Variants in PFKP observed in about 807,000 individuals in gnomAD.
PFKP encodes ATP-dependent 6-phosphofructokinase, platelet type.
In PFKP, 101 loss-of-function variants were observed where a neutral mutation model predicts 94.3. The observed-to-expected ratio is 1.07, with a 90% CI of 0.91 to 1.26. The LOEUF is 1.26. PFKP is among the 50% of genes most tolerant of loss of function. PFKP has a pLI of 0.00. For synonymous variants in PFKP, 573 were observed against 432.6 expected (o/e 1.32, Z -4.03); for missense variants, 1,145 against 1,103.3 (o/e 1.04, Z -0.53).
intron 1 of PFKP, among the ~76,000 whole-genome samples, chr10:3,080,147 GC>G (rs1832937755): frequency 6.6e-6 from 1 of 152,142 alleles, no homozygotes; most frequent in Admixed American, 6.5e-5. Flanking sequence ...CTGGGGCATG[GC>G]CGGGAGCTCA....
At chr10:3,091,882 C>T (rs1171076800) in intron 2 of PFKP, among the ~76,000 whole-genome samples, 1 of 152,224 alleles carries the variant, frequency 6.6e-6, no homozygotes, top group Non-Finnish European at 1.5e-5. Flanking sequence ...TCAGAGCTGT[C>T]TTTGTCATAG....
chr10:3,097,346 C>T (rs187262903), intron 2 of PFKP, among the ~76,000 whole-genome samples: 85 of 152,152 alleles, frequency 5.6e-4, no homozygotes, highest in Non-Finnish European at 1.1e-3. Context: ...TGTGCAGAGG[C>T]GAGGTCTGCA....
chr10:3,094,127 G>A (rs1245668599), intron 2 of PFKP, among the ~76,000 whole-genome samples: 1 of 152,140 alleles, frequency 6.6e-6, no homozygotes, highest in Non-Finnish European at 1.5e-5. Flanking sequence ...CCCCACCACT[G>A]TGGTCAGCTG....
rs1052337 is a variant in PFKP at position 3,129,953 on chromosome 10, C to T, written c.1818C>T (p.Phe606=). ...LAAGADAAYI[F]EEPFDIRDLQ... ...CCGGAGCTGATGCCGCATACATTTTCGAAGAGCCCTTCGACATCAGGGATC... is the reference window on the plus strand; with the variant it reads ...CCGGAGCTGATGCCGCATACATTTTTGAAGAGCCCTTCGACATCAGGGATC... Residue 606 remains phenylalanine (F), a synonymous_variant, in exon 17 of 22, where the codon TTC becomes TTT. Coordinates refer to ENST00000381125, the MANE Select transcript of PFKP (RefSeq NM_002627.5). 226,969 of 1,596,272 alleles carry T rather than the reference C, an allele frequency of 0.14. 16,734 individuals carry two copies. The highest frequency in any genetic ancestry group is 0.18 in the African/African-American group (13,581 of 74,738).
chr10:3,077,261 C>CTTTTCT (rs1832678032), intron 1 of PFKP, among the ~76,000 whole-genome samples: 2 of 84,238 alleles, frequency 2.4e-5, no homozygotes, highest in Non-Finnish European at 4.2e-5. Context: ...TTTTTTTTTT[C>CTTTTCT]TTTTTTTTTT....
At position 3,113,151 on chromosome 10, in the gene PFKP, G is replaced by A. The variant is rs563430784; in HGVS notation, c.1187G>A (p.Arg396Gln). The A allele has an allele frequency of 1.1e-5, 18 of 1,613,158 alleles. No individual in the cohort carries two copies. Among genetic ancestry groups the A allele is most frequent in the Middle Eastern group, 1.7e-4 (1 of 6,060 alleles). The change falls in exon 12 of 22, where the codon CGA becomes CAA. Residue 396 changes from arginine (R) to glutamine (Q), a missense_variant. Physicochemically the swap from Arg to Gln is conservative, Grantham distance 43 (BLOSUM62 1). Coordinates refer to ENST00000381125, the MANE Select transcript of PFKP (RefSeq NM_002627.5). ...GCGGGCAACCTGAACACCTACAAGCGACTTGCCATCAAGCTGCCGGATGAT... is the reference window on the plus strand; with the variant it reads ...GCGGGCAACCTGAACACCTACAAGCAACTTGCCATCAAGCTGCCGGATGAT... Reference protein sequence around the residue: ...SFAGNLNTYKRLAIKLPDDQI... With the variant: ...SFAGNLNTYKQLAIKLPDDQI...
In PFKP at chr10:3,129,729, G is replaced by C. The variant is rs566363542; in HGVS notation, c.1684-90G>C. ...CCGCATGTTTGGGCGCGGTGGGGGG[G>C]CCTTGCTGCACTCACTCTTGGGGGA... On this transcript the variant is annotated intron_variant, in intron 16 of 21. Coordinates refer to ENST00000381125, the MANE Select transcript of PFKP (RefSeq NM_002627.5). The C allele has an allele frequency of 5.5e-5, 76 of 1,376,394 alleles. No homozygotes were observed. The African/African-American group carries it at 7.6e-4, about 14-fold the overall frequency. The allele number at this position is 1,376,394 out of a possible 1,614,324, so 85.3% of individuals were successfully genotyped here.
chr10:3,077,191 C>T (rs927241182), intron 1 of PFKP, among the ~76,000 whole-genome samples: 4 of 148,992 alleles, frequency 2.7e-5, no homozygotes, highest in African/African-American at 9.9e-5. Context: ...TTACTCCAGA[C>T]AATGGAGGAG....
chr10:3,127,200 C>A (rs1235228574), intron 16 of PFKP, among the ~76,000 whole-genome samples: 1 of 152,238 alleles, frequency 6.6e-6, no homozygotes, highest in African/African-American at 2.4e-5. Flanking sequence ...TGTATCTAAG[C>A]TCCAGCAAAG....
chr10:3,100,071 GT>G (rs537691269), intron 3 of PFKP, among the ~76,000 whole-genome samples: 14 of 132,254 alleles, frequency 1.1e-4, no homozygotes, highest in African/African-American at 4.8e-4. Flanking sequence ...GTGTGTGTGT[GT>G]GTGTGTGTGT....
chr10:3,088,770 T>C (rs1026937366), intron 2 of PFKP, among the ~76,000 whole-genome samples: 3 of 145,252 alleles, frequency 2.1e-5, no homozygotes, highest in African/African-American at 5.1e-5. Context: ...TTTGTGGGCA[T>C]AGAGTTCAGA....
chr10:3,068,665 G>T, intron 1 of PFKP: 1 of 985,340 alleles, frequency 1.0e-6, no homozygotes, highest in Non-Finnish European at 1.2e-6. Flanking sequence ...GAGACTCGGC[G>T]CGCCCCAGGC....
intron 13 of PFKP, 32 bp downstream of exon 13, chr10:3,113,550 A>G (rs1836479238): frequency 1.2e-6 from 2 of 1,603,552 alleles, no homozygotes; most frequent in Non-Finnish European, 8.5e-7. Context: ...AGGCAGGCAG[A>G]CACCCTGGCT....
intron 16 of PFKP, among the ~76,000 whole-genome samples, chr10:3,127,343 C>T (rs575714994): frequency 8.5e-5 from 13 of 152,238 alleles, no homozygotes; most frequent in South Asian, 4.1e-4. Flanking sequence ...AACTCAGACA[C>T]GCCTGGGCAC....
chr10:3,122,973 T>C (rs1310076587), intron 16 of PFKP, among the ~76,000 whole-genome samples: 2 of 152,224 alleles, frequency 1.3e-5, no homozygotes, highest in African/African-American at 2.4e-5. Context: ...CGTGTTGTGC[T>C]TCGGAAGCCC....
intron 13 of PFKP, among the ~76,000 whole-genome samples, chr10:3,115,990 G>C (rs1018701507): frequency 3.3e-5 from 5 of 152,112 alleles, no homozygotes; most frequent in African/African-American, 1.2e-4. Context: ...TTCTGTCCTG[G>C]GTGGATCTTG....
intron 2 of PFKP, 142 bp downstream of exon 2, chr10:3,082,603 G>A: frequency 2.0e-6 from 1 of 500,812 alleles, no homozygotes; most frequent in Non-Finnish European, 3.5e-6. Flanking sequence ...TGCCAGCCAG[G>A]GCCGTTCCTC....
chr10:3,080,774 C>G (rs72778566), intron 1 of PFKP, among the ~76,000 whole-genome samples: 12,370 of 152,108 alleles, frequency 0.081, 577 homozygotes, highest in Middle Eastern at 0.1. Context: ...CTGTTGTAAT[C>G]CTTCTGGCCA....
intron 2 of PFKP, among the ~76,000 whole-genome samples, chr10:3,094,201 C>T (rs559366325): frequency 2.0e-4 from 31 of 152,202 alleles, no homozygotes; most frequent in Non-Finnish European, 4.3e-4. Flanking sequence ...GACCCTCTCT[C>T]TACAGGGGAG....
Sources: gnomAD v4.1 joint callset for allele counts (sites outside exome capture counted in the v4.1 genomes callset) on GRCh38, gnomAD v4.1.1 for gene constraint, MANE v1.5 for transcripts, NCBI Gene and HGNC (gene_info 2026-07-23, HGNC 2026-07-21) for gene names.